The following LINGO2 variants were observed in gnomAD, a reference collection of about 807,000 sequenced individuals.
LINGO2 encodes the protein leucine-rich repeat and immunoglobulin-like domain-containing nogo receptor-interacting protein 2.
Under a neutral mutation model 30.6 loss-of-function variants are expected in LINGO2, and 14 were observed. That is an observed-to-expected ratio of 0.46 (90% CI 0.30 to 0.72). LINGO2 has a LOEUF of 0.72. Among genes scored for constraint, LINGO2 ranks in the 30% least tolerant of loss-of-function variants. LINGO2 has a pLI of 0.07. For missense variants in LINGO2, 729 were observed against 751.7 expected, an observed-to-expected ratio of 0.97 and a Z score of 0.35; for synonymous variants, 317 against 288.5, an observed-to-expected ratio of 1.10 and a Z score of -1.00.
chr9:28,291,538 C>A (rs2134169645), intron 4 of LINGO2, among the ~76,000 whole-genome samples: 2 of 152,110 alleles, frequency 1.3e-5, no homozygotes, highest in African/African-American at 4.8e-5. Context: ...TTAAAAGAAC[C>A]AAATGGAATT....
At chr9:28,104,406 A>G (rs1183495430) in intron 4 of LINGO2, among the ~76,000 whole-genome samples, 1 of 151,456 alleles carries the variant, frequency 6.6e-6, no homozygotes, top group Admixed American at 6.6e-5. Context: ...CAGAGCCACC[A>G]TCTAGCACAG....
chr9:29,187,967 T>C, the LINGO2 span, among the ~76,000 whole-genome samples: 1 of 151,140 alleles, frequency 6.6e-6, no homozygotes, highest in Non-Finnish European at 1.5e-5. Context: ...TCTTTTTTTT[T>C]TCCAAATAAA....
chr9:28,144,027 T>C (rs1827746492), intron 4 of LINGO2, among the ~76,000 whole-genome samples: 1 of 152,078 alleles, frequency 6.6e-6, no homozygotes, highest in African/African-American at 2.4e-5. Context: ...ATAATGGATA[T>C]ATTGAATGGT....
rs1415957849 is a variant in LINGO2 at position 28,355,295 on chromosome 9, CTA to C, written c.-246+17539_-246+17540del. Among the ~76,000 whole-genome samples, 46 of 29,618 alleles carry C rather than the reference CTA, an allele frequency of 1.6e-3. 1 individual carries two copies. The highest frequency in any genetic ancestry group is 0.013 in the East Asian group (9 of 694). The allele number at this position is 29,618 out of a possible 152,430, so 19.4% of individuals were successfully genotyped here. ...TCTGTCTCTGTCTCTCTCTCTCTCT[CTA>C]TGTCTCTCTCTCTCTCTCTCTCTCT... On this transcript the variant is annotated intron_variant, in intron 3 of 5. Transcript: ENST00000379992.
intron 4 of LINGO2, among the ~76,000 whole-genome samples, chr9:28,161,553 TAAGAA>T (rs1007549269): frequency 6.6e-6 from 1 of 151,946 alleles, no homozygotes; most frequent in Non-Finnish European, 1.5e-5. Flanking sequence ...ATGGAAAAAA[TAAGAA>T]AGAGAAACTG....
At chr9:28,570,252 T>C (rs7035779) in intron 1 of LINGO2, among the ~76,000 whole-genome samples, 2,663 of 151,974 alleles carry the variant, frequency 0.018, 86 homozygotes, top group African/African-American at 0.061. Context: ...AAACAGGAAA[T>C]GGTTTAGATA....
At chr9:27,947,486 T>C (rs1455384631), downstream of LINGO2, among the ~76,000 whole-genome samples, 1 of 152,198 alleles carries the variant, frequency 6.6e-6, no homozygotes, top group African/African-American at 2.4e-5. Context: ...CACCTTGTTT[T>C]TTCTCAGTTC....
At chr9:28,639,270 GT>G (rs1160804186) in intron 1 of LINGO2, among the ~76,000 whole-genome samples, 10 of 152,304 alleles carry the variant, frequency 6.6e-5, no homozygotes, top group African/African-American at 2.4e-4. Flanking sequence ...TAGGTGTGGT[GT>G]GGTACTGAGA....
intron 2 of LINGO2, among the ~76,000 whole-genome samples, chr9:28,421,072 C>T (rs1823174601): frequency 6.6e-6 from 1 of 151,464 alleles, no homozygotes; most frequent in African/African-American, 2.4e-5. Flanking sequence ...TTCCTTTTGC[C>T]CAAATTGTCA....
chr9:28,698,696 G>A, the LINGO2 span, among the ~76,000 whole-genome samples: 6 of 151,816 alleles, frequency 4.0e-5, no homozygotes, highest in Non-Finnish European at 5.9e-5. Context: ...AGTACAGAGA[G>A]TTCTCACATA....
intron 1 of LINGO2, among the ~76,000 whole-genome samples, chr9:28,620,649 C>A (rs1826348550): frequency 2.6e-5 from 4 of 152,048 alleles, no homozygotes; most frequent in Admixed American, 2.6e-4. Flanking sequence ...TATATATGAC[C>A]AGTTCTAGGC....
intron 4 of LINGO2, among the ~76,000 whole-genome samples, chr9:28,026,812 T>C (rs1025403393): frequency 2.0e-5 from 3 of 152,222 alleles, no homozygotes; most frequent in East Asian, 1.9e-4. Context: ...CCTTGAACTA[T>C]TTATTTTTTA....
chr9:28,456,563 C>T (rs1397150537), intron 2 of LINGO2, among the ~76,000 whole-genome samples: 1 of 152,152 alleles, frequency 6.6e-6, no homozygotes, highest in East Asian at 1.9e-4. Flanking sequence ...GTTCATTTTC[C>T]AGAGCACAGA....
Position 28,130,478 on chromosome 9 carries a change from C to T in LINGO2, c.-86-118073G>A, listed in dbSNP as rs1827350992. 6.6e-6 allele frequency among the ~76,000 whole-genome samples: 1 copy of T among 152,144 alleles called. No individual in the cohort carries two copies. Among genetic ancestry groups the T allele is most frequent in the Admixed American group, 6.5e-5 (1 of 15,270 alleles). ...AAGTCAAATTTTTGTGAATCTCTCA[C>T]CATGTTACCACTGACAGTCATTTAA... On this transcript the variant is annotated intron_variant, in intron 4 of 5. Coordinates refer to ENST00000379992, the Ensembl canonical transcript of LINGO2. The surrounding 1 kb of genome is among the most constrained non-coding windows in gnomAD (Gnocchi z 5.2).
intron 4 of LINGO2, among the ~76,000 whole-genome samples, chr9:28,249,104 TC>T (rs1822105677): frequency 6.6e-6 from 1 of 151,914 alleles, no homozygotes; most frequent in East Asian, 1.9e-4. Context: ...AAATGTGGTT[TC>T]TTTTTTTTAG....
the LINGO2 span, among the ~76,000 whole-genome samples, chr9:29,173,323 A>C: frequency 2.6e-5 from 4 of 152,210 alleles, no homozygotes; most frequent in South Asian, 8.3e-4. Context: ...TGTATGCTTC[A>C]TTTCAGCTTT....
chr9:29,028,214 A>G, the LINGO2 span, among the ~76,000 whole-genome samples: 3 of 152,172 alleles, frequency 2.0e-5, no homozygotes, highest in Non-Finnish European at 2.9e-5. Context: ...AAAAGTTACA[A>G]CTGCAAATTG....
intron 1 of LINGO2, among the ~76,000 whole-genome samples, chr9:28,610,853 G>A (rs971290637): frequency 1.3e-5 from 2 of 152,084 alleles, no homozygotes; most frequent in African/African-American, 2.4e-5. Flanking sequence ...CACATCTTTA[G>A]TAACTTTTAA....
chr9:29,033,830 T>C, the LINGO2 span, among the ~76,000 whole-genome samples: 1 of 151,908 alleles, frequency 6.6e-6, no homozygotes, highest in Non-Finnish European at 1.5e-5. Context: ...ATAGTAATCA[T>C]AGCACTTTGG....
Sources: allele counts gnomAD v4.1 joint callset (sites outside exome capture counted in the v4.1 genomes callset), GRCh38; gene constraint gnomAD v4.1.1; non-coding constraint Gnocchi (gnomAD v3.1); transcripts MANE v1.5; gene names NCBI Gene and HGNC (gene_info 2026-07-23, HGNC 2026-07-21).